Variants in NELL1 observed in about 807,000 individuals in gnomAD.
NELL1 encodes the protein neural EGFL like 1, also known as protein kinase C-binding protein NELL1.
NELL1 carries 76 observed loss-of-function variants against 107.4 expected under a neutral mutation model. The observed-to-expected ratio is 0.71, with a 90% CI of 0.59 to 0.86. The LOEUF is 0.86. NELL1 is among the 40% of genes least tolerant of loss of function. The pLI is 0.00. For synonymous variants in NELL1, 353 were observed against 341.2 expected, an observed-to-expected ratio of 1.03 and a Z score of -0.38; for missense variants, 1,024 against 1,005.5, an observed-to-expected ratio of 1.02 and a Z score of -0.25.
Position 21,012,019 on chromosome 11 carries a change from T to C in NELL1, c.1300+51459T>C, listed in dbSNP as rs146020449. Reference sequence around the variant, plus strand: ...GGTGCCAACCACTGCGCTAAGAGCTTCTGGGCACCATGCTGAGAGCACTTT... The same window carrying C: ...GGTGCCAACCACTGCGCTAAGAGCTCCTGGGCACCATGCTGAGAGCACTTT... On this transcript the variant is annotated intron_variant, in intron 12 of 19. Coordinates refer to ENST00000357134, the MANE Select transcript of NELL1 (RefSeq NM_006157.5). Among the ~76,000 whole-genome samples, 415 of 152,244 alleles carry C rather than the reference T, an allele frequency of 2.7e-3. 4 individuals are homozygous for C. Among genetic ancestry groups the C allele is most frequent in the African/African-American group, 9.6e-3 (400 of 41,560 alleles).
intron 14 of NELL1, among the ~76,000 whole-genome samples, chr11:21,362,016 A>G (rs1011369878): frequency 2.6e-5 from 4 of 152,214 alleles, no homozygotes; most frequent in African/African-American, 9.6e-5. Flanking sequence ...GTTTGGCTCC[A>G]TTGCTAGGGA....
At chr11:21,461,474 G>C (rs937803568) in intron 15 of NELL1, among the ~76,000 whole-genome samples, 1 of 152,056 alleles carries the variant, frequency 6.6e-6, no homozygotes, top group African/African-American at 2.4e-5. Flanking sequence ...AGAAATTAGA[G>C]TGCTGTAGAA....
intron 15 of NELL1, among the ~76,000 whole-genome samples, chr11:21,497,490 C>T (rs1855013516): frequency 6.6e-6 from 1 of 151,934 alleles, no homozygotes; most frequent in Non-Finnish European, 1.5e-5. Context: ...TTCTTAATTT[C>T]AGGTGAATAA....
chr11:20,770,644 A>T (rs1310717643), intron 2 of NELL1, among the ~76,000 whole-genome samples: 1 of 152,218 alleles, frequency 6.6e-6, no homozygotes, highest in Non-Finnish European at 1.5e-5. Flanking sequence ...GCATGTAATT[A>T]GATTAATGCA....
chr11:21,172,166 T>G (rs4923397), intron 13 of NELL1, among the ~76,000 whole-genome samples: 59,248 of 151,588 alleles, frequency 0.39, 12,062 homozygotes, highest in Middle Eastern at 0.45. Context: ...GTCATTAACA[T>G]CTCATCTGGC....
chr11:21,481,018 C>G (rs531359768), intron 15 of NELL1, among the ~76,000 whole-genome samples: 1 of 152,182 alleles, frequency 6.6e-6, no homozygotes, highest in Admixed American at 6.6e-5. Context: ...CAGTTTATTC[C>G]TCAATAAAAT....
intron 14 of NELL1, among the ~76,000 whole-genome samples, chr11:21,278,937 G>A (rs1482654976): frequency 1.3e-5 from 2 of 152,088 alleles, no homozygotes; most frequent in African/African-American, 2.4e-5. Context: ...AGACAAACAA[G>A]TCAATGCAAG....
At chr11:21,433,898 C>T (rs1853034200) in intron 15 of NELL1, among the ~76,000 whole-genome samples, 1 of 152,132 alleles carries the variant, frequency 6.6e-6, no homozygotes, top group African/African-American at 2.4e-5. Flanking sequence ...TGGTCTCGAA[C>T]TCCCGGCCTC....
At chr11:20,687,540 T>C (rs1034978901) in intron 2 of NELL1, among the ~76,000 whole-genome samples, 2 of 151,934 alleles carry the variant, frequency 1.3e-5, no homozygotes, top group African/African-American at 4.8e-5. Context: ...ATTAGGAAGA[T>C]AATGTTAAGA....
chr11:21,104,148 C>CTTTTGT (rs764459411), intron 12 of NELL1, among the ~76,000 whole-genome samples: 1 of 152,186 alleles, frequency 6.6e-6, no homozygotes, highest in Non-Finnish European at 1.5e-5. Flanking sequence ...GAAGCACTCA[C>CTTTTGT]TGGGTTTGTT....
intron 12 of NELL1, among the ~76,000 whole-genome samples, chr11:20,975,862 G>A (rs1851608269): frequency 8.0e-6 from 1 of 125,236 alleles, no homozygotes; most frequent in East Asian, 2.2e-4. Context: ...ACATATATGT[G>A]TATTATATAT....
chr11:20,807,413 C>T (rs1487783913), intron 3 of NELL1, among the ~76,000 whole-genome samples: 1 of 152,092 alleles, frequency 6.6e-6, no homozygotes, highest in Non-Finnish European at 1.5e-5. Context: ...AAAACAGAGT[C>T]TCTCTCTCTC....
chr11:20,726,396 C>G (rs1000743288), intron 2 of NELL1, among the ~76,000 whole-genome samples: 7 of 152,070 alleles, frequency 4.6e-5, no homozygotes, highest in Non-Finnish European at 7.4e-5. Context: ...TATAGTCAGT[C>G]TCTGGACTAA....
intron 13 of NELL1, among the ~76,000 whole-genome samples, chr11:21,154,437 A>C (rs1389032784): frequency 6.6e-6 from 1 of 152,180 alleles, no homozygotes; most frequent in Admixed American, 6.6e-5. Flanking sequence ...AATTCCATTC[A>C]ATCCATTAAA....
chr11:20,751,247 A>C (rs1856131810), intron 2 of NELL1, among the ~76,000 whole-genome samples: 1 of 151,850 alleles, frequency 6.6e-6, no homozygotes, highest in Non-Finnish European at 1.5e-5. Flanking sequence ...ATAAGTTGTC[A>C]ATTTCTTTAA....
intron 12 of NELL1, among the ~76,000 whole-genome samples, chr11:20,963,286 G>A (rs1244431946): frequency 1.3e-5 from 2 of 152,056 alleles, no homozygotes; most frequent in Non-Finnish European, 1.5e-5. Flanking sequence ...ATAACCACAT[G>A]CAGAAGACTT....
At chr11:21,565,293 C>G (rs889222547) in intron 17 of NELL1, among the ~76,000 whole-genome samples, 6 of 151,856 alleles carry the variant, frequency 4.0e-5, no homozygotes, top group African/African-American at 1.2e-4. Context: ...CAGGGCGTCT[C>G]TTTCTATTTC....
intron 2 of NELL1, among the ~76,000 whole-genome samples, chr11:20,776,363 C>T (rs1048911204): frequency 2.6e-5 from 4 of 151,862 alleles, no homozygotes; most frequent in African/African-American, 9.7e-5. Flanking sequence ...CGCTTGAACC[C>T]GGGAGGTGGA....
chr11:20,898,561 A>G (rs1281402226), intron 5 of NELL1, among the ~76,000 whole-genome samples: 2 of 151,520 alleles, frequency 1.3e-5, no homozygotes, highest in African/African-American at 4.9e-5. Flanking sequence ...CCTAAAACTT[A>G]AAGTATAATA....
Sources: gnomAD v4.1 joint callset for allele counts (sites outside exome capture counted in the v4.1 genomes callset) on GRCh38, gnomAD v4.1.1 for gene constraint, MANE v1.5 for transcripts, NCBI Gene and HGNC (gene_info 2026-07-23, HGNC 2026-07-21) for gene names.